The following DLGAP1 variants were observed in gnomAD, a reference collection of about 807,000 sequenced individuals.
The protein encoded by DLGAP1 is disks large-associated protein 1.
DLGAP1 carries 11 observed loss-of-function variants against 90.8 expected under a neutral mutation model. That is an observed-to-expected ratio of 0.12 (90% CI 0.08 to 0.20). DLGAP1 has a LOEUF of 0.20. Among genes scored for constraint, DLGAP1 ranks in the 10% least tolerant of loss-of-function variants. DLGAP1 has a pLI of 1.00. For synonymous variants in DLGAP1, 558 were observed against 540.7 expected (o/e 1.03, Z -0.44); for missense variants, 1,050 against 1,333.8 (o/e 0.79, Z 3.31).
intron 10 of DLGAP1, among the ~76,000 whole-genome samples, chr18:3,509,458 C>G (rs1186874198): frequency 1.3e-5 from 2 of 152,218 alleles, no homozygotes; most frequent in Non-Finnish European, 2.9e-5. Context: ...GAGCTGCTTT[C>G]CGCTGAGCAA....
intron 1 of DLGAP1, among the ~76,000 whole-genome samples, chr18:4,344,025 G>T (rs1207265141): frequency 1.3e-5 from 2 of 152,108 alleles, no homozygotes; most frequent in Non-Finnish European, 2.9e-5. Context: ...AAGTGAAAAG[G>T]TGTCCTGAGA....
intron 7 of DLGAP1, chr18:3,656,270 T>C (rs919556462): frequency 1.7e-6 from 1 of 596,546 alleles, no homozygotes; most frequent in Non-Finnish European, 2.8e-6. Context: ...AATAAAATAA[T>C]TTTTAGTCTT....
intron 7 of DLGAP1, among the ~76,000 whole-genome samples, chr18:3,701,045 T>TAA (rs1461347685): frequency 6.6e-6 from 1 of 152,194 alleles, no homozygotes; most frequent in Non-Finnish European, 1.5e-5. Context: ...CATACCAGGC[T>TAA]AAGTTTTAAA....
Position 4,429,986 on chromosome 18 carries a change from G to A in DLGAP1, c.-267+25020C>T, listed in dbSNP as rs370505361. 4.6e-5 allele frequency among the ~76,000 whole-genome samples: 7 copies of A among 151,676 alleles called. No individual in the cohort carries two copies. In the East Asian group the frequency reaches 1.4e-3, roughly 30 times the overall value. ...TTTTGCTGCCATTTTCATAAAATTT[G>A]AAAGCAAGCAAAATCCAACAAAAAG... On this transcript the variant is annotated intron_variant, in intron 1 of 12. Transcript: ENST00000315677.
chr18:4,386,840 G>C (rs1349243482), intron 1 of DLGAP1, among the ~76,000 whole-genome samples: 1 of 152,138 alleles, frequency 6.6e-6, no homozygotes. Context: ...GAAGATGCTG[G>C]TTAAAGCAAA....
intron 4 of DLGAP1, among the ~76,000 whole-genome samples, chr18:3,816,916 C>T (rs1184767594): frequency 1.3e-5 from 2 of 152,196 alleles, no homozygotes; most frequent in South Asian, 2.1e-4. Context: ...ATTAATTATG[C>T]TAGTAACAAT....
intron 5 of DLGAP1, among the ~76,000 whole-genome samples, chr18:3,745,244 A>C (rs961143918): frequency 1.3e-5 from 2 of 152,224 alleles, no homozygotes; most frequent in African/African-American, 4.8e-5. Flanking sequence ...TTCTCTTTGC[A>C]GTGATAAAAC....
chr18:4,187,093 C>T (rs761150443), intron 1 of DLGAP1, among the ~76,000 whole-genome samples: 16 of 152,052 alleles, frequency 1.1e-4, no homozygotes, highest in Admixed American at 3.3e-4. Context: ...GATTTTTGTA[C>T]GTTGATTTTG....
chr18:4,347,837 G>A (rs2081327084), intron 1 of DLGAP1, among the ~76,000 whole-genome samples: 1 of 152,016 alleles, frequency 6.6e-6, no homozygotes, highest in Non-Finnish European at 1.5e-5. Flanking sequence ...TCTATTAAAG[G>A]TATTAGAATT....
intron 1 of DLGAP1, among the ~76,000 whole-genome samples, chr18:4,452,751 T>C (rs1181358532): frequency 1.3e-5 from 2 of 152,190 alleles, no homozygotes; most frequent in African/African-American, 4.8e-5. Flanking sequence ...AAAGCTTATG[T>C]TGATGGAGAA....
At chr18:3,974,719 A>C (rs1401008714) in intron 3 of DLGAP1, among the ~76,000 whole-genome samples, 3 of 152,178 alleles carry the variant, frequency 2.0e-5, no homozygotes, top group Admixed American at 2.0e-4. Context: ...CATAAAAAGG[A>C]GGTTTTAGGT....
At chr18:3,987,109 T>C (rs1726742941) in intron 3 of DLGAP1, among the ~76,000 whole-genome samples, 1 of 152,208 alleles carries the variant, frequency 6.6e-6, no homozygotes. Context: ...GCTTTGAGAA[T>C]GAGAGCATTT....
chr18:4,344,481 T>C (rs532188517), intron 1 of DLGAP1, among the ~76,000 whole-genome samples: 17 of 152,274 alleles, frequency 1.1e-4, no homozygotes, highest in African/African-American at 3.9e-4. Context: ...TATGTGAGAT[T>C]AACGAAAATT....
intron 7 of DLGAP1, among the ~76,000 whole-genome samples, chr18:3,678,290 C>A (rs446664): frequency 0.63 from 96,002 of 151,838 alleles, 32,593 homozygotes; most frequent in African/African-American, 0.89. Context: ...CATACCTTGG[C>A]CTTTCCCACC....
intron 4 of DLGAP1, among the ~76,000 whole-genome samples, chr18:3,869,810 C>A (rs79855579): frequency 0.013 from 1,907 of 152,254 alleles, 32 homozygotes; most frequent in Middle Eastern, 0.041. Context: ...TGGGAAAGAG[C>A]TAAAGCTTGT....
chr18:3,950,124 C>T (rs917553133), intron 3 of DLGAP1, among the ~76,000 whole-genome samples: 1 of 152,142 alleles, frequency 6.6e-6, no homozygotes, highest in African/African-American at 2.4e-5. Context: ...GGATTTACCA[C>T]TTAAAGAATA....
At chr18:3,595,887 T>A (rs919198263) in intron 7 of DLGAP1, among the ~76,000 whole-genome samples, 5 of 152,250 alleles carry the variant, frequency 3.3e-5, no homozygotes, top group Admixed American at 2.6e-4. Context: ...ACACTTCCTC[T>A]TAGACCTAGG....
chr18:4,231,565 T>C (rs367774215), intron 1 of DLGAP1, among the ~76,000 whole-genome samples: 12 of 152,322 alleles, frequency 7.9e-5, no homozygotes, highest in South Asian at 4.1e-4. Flanking sequence ...GTGATCTCTC[T>C]GTTAGAGCTC....
At chr18:3,893,700 G>A (rs936221978) in intron 3 of DLGAP1, among the ~76,000 whole-genome samples, 1 of 151,808 alleles carries the variant, frequency 6.6e-6, no homozygotes, top group Non-Finnish European at 1.5e-5. Context: ...CAATAAACAT[G>A]AGTGCAGGTA....
Sources: allele counts gnomAD v4.1 joint callset (sites outside exome capture counted in the v4.1 genomes callset), GRCh38; gene constraint gnomAD v4.1.1; transcripts MANE v1.5; gene names NCBI Gene and HGNC (gene_info 2026-07-23, HGNC 2026-07-21).